Variants in EFL1 observed in about 807,000 individuals in gnomAD.
EFL1 encodes elongation factor like GTPase 1.
EFL1 carries 76 observed loss-of-function variants against 126.7 expected under a neutral mutation model. The observed-to-expected ratio is 0.60, with a 90% CI of 0.50 to 0.73. The LOEUF is 0.73. EFL1 is among the 30% of genes least tolerant of loss of function. The probability of loss-of-function intolerance (pLI) is 0.00; values close to 1 mark genes in which losing one functional copy is unlikely to be tolerated. For missense variants in EFL1, 1,128 were observed against 1,343.2 expected (o/e 0.84, Z 2.50); for synonymous variants, 410 against 448.4 (o/e 0.91, Z 1.08).
At chr15:82,147,411 C>T (rs1328627595) in intron 18 of EFL1, among the ~76,000 whole-genome samples, 1 of 151,814 alleles carries the variant, frequency 6.6e-6, no homozygotes, top group Non-Finnish European at 1.5e-5. Context: ...GGGCGGATCA[C>T]TTGAGGCCAG....
At chr15:82,209,432 A>G (rs1175934446) in intron 15 of EFL1, among the ~76,000 whole-genome samples, 2 of 152,186 alleles carry the variant, frequency 1.3e-5, no homozygotes, top group African/African-American at 2.4e-5. Flanking sequence ...AGGCTAATTA[A>G]TATTTATTTT....
At chr15:82,164,895 T>C (rs1181861038) in intron 15 of EFL1, among the ~76,000 whole-genome samples, 2 of 96,438 alleles carry the variant, frequency 2.1e-5, no homozygotes, top group Non-Finnish European at 4.4e-5. Flanking sequence ...AGATTCCACC[T>C]CAAAAAAAAA....
At chr15:82,246,219 C>G (rs930472522) in intron 4 of EFL1, among the ~76,000 whole-genome samples, 2 of 152,114 alleles carry the variant, frequency 1.3e-5, no homozygotes, top group African/African-American at 4.8e-5. Flanking sequence ...CTCCACCTTT[C>G]AAGGCCTGCT....
chr15:82,130,434 T>A lies in EFL1; in HGVS notation c.3302A>T (p.Tyr1101Phe). ...ATGCTCCACAATCTTTTCTTCCACA[T>A]AAAGCCCCTTCCGCTTTCGTACTGC... ...MNAVRKRKGL[Y>F]VEEKIVEHAE... The change falls in exon 20 of 20, where the codon TAT becomes TTT. Residue 1101 changes from tyrosine to phenylalanine, a missense_variant. Around this residue, in one of 6 missense-constraint regions of EFL1, gnomAD observed 561 missense variants for 641.7 expected, o/e 0.87. Transcript: ENST00000268206. The A allele has an allele frequency of 6.2e-7, 1 of 1,614,188 alleles. No homozygotes were observed. The highest frequency in any genetic ancestry group is 8.5e-7 in the Non-Finnish European group (1 of 1,180,030).
chr15:82,246,629 A>G (rs1342926106), intron 4 of EFL1, among the ~76,000 whole-genome samples: 2 of 152,160 alleles, frequency 1.3e-5, no homozygotes, highest in Non-Finnish European at 2.9e-5. Flanking sequence ...GATACAAGCC[A>G]GTACAGAGGG....
At chr15:82,146,204 T>C (rs2073843927) in intron 18 of EFL1, among the ~76,000 whole-genome samples, 1 of 152,198 alleles carries the variant, frequency 6.6e-6, no homozygotes, top group Non-Finnish European at 1.5e-5. Context: ...AGTCTATCCA[T>C]TTATAGGATT....
At chr15:82,254,477 G>A (rs2075050307) in intron 3 of EFL1, among the ~76,000 whole-genome samples, 1 of 151,894 alleles carries the variant, frequency 6.6e-6, no homozygotes, top group African/African-American at 2.4e-5. Flanking sequence ...AAAAAAAAAT[G>A]TTTGTTACTT....
Position 82,225,172 on chromosome 15 carries a change from T to A in EFL1, c.1285A>T (p.Lys429Ter). 2 of 1,608,580 alleles carry A rather than the reference T, an allele frequency of 1.2e-6. No homozygotes were observed. Among genetic ancestry groups the A allele is most frequent in the Non-Finnish European group, 1.7e-6 (2 of 1,178,214 alleles). ...AVDAKALPQN[K>*]PRPLTQEEIA... ...CTTTCCCCTTTCCCTTACCTTGGCT[T>A]ATTCTGAGGCAAGGCCTTAGCATCA... The change falls in exon 12 of 20, where the codon AAG becomes TAG. Residue 429 changes from lysine to a stop codon, truncating the protein, a stop_gained. Coordinates refer to ENST00000268206, the MANE Select transcript of EFL1 (RefSeq NM_024580.6). LOFTEE classifies it high-confidence loss of function.
intron 19 of EFL1, among the ~76,000 whole-genome samples, chr15:82,132,752 TAAG>T (rs60386125): frequency 0.27 from 39,727 of 147,756 alleles, 6,749 homozygotes; most frequent in Non-Finnish European, 0.37. Context: ...AAACGGCAGT[TAAG>T]AAGGAGGAGT....
rs2075034366 is a variant in EFL1 at position 82,252,790 on chromosome 15, C to A, written c.160-15G>T. The A allele has an allele frequency of 7.1e-7, 1 of 1,399,680 alleles. No individual in the cohort carries two copies. Among genetic ancestry groups the A allele is most frequent in the African/African-American group, 1.4e-5 (1 of 70,760 alleles). 86.7% of individuals were successfully genotyped at this position (1,399,680 alleles called of 1,614,324 possible). A position where few individuals can be genotyped will look rare whatever the true frequency, so the allele number is the denominator to read the frequency against. On this transcript the variant is annotated splice_polypyrimidine_tract_variant and intron_variant, in intron 3 of 19. Coordinates refer to ENST00000268206, the MANE Select transcript of EFL1 (RefSeq NM_024580.6). ...ATGTACCTTAACTGGAAAAATGCAACATATGCATCTTCACTTCCCAAAGAA... is the reference window on the plus strand; with the variant it reads ...ATGTACCTTAACTGGAAAAATGCAAAATATGCATCTTCACTTCCCAAAGAA...
At chr15:82,192,686 T>C (rs559930177) in intron 15 of EFL1, among the ~76,000 whole-genome samples, 24 of 152,216 alleles carry the variant, frequency 1.6e-4, no homozygotes, top group African/African-American at 5.8e-4. Flanking sequence ...AGTAATGAAT[T>C]TGAAATACAA....
intron 17 of EFL1, among the ~76,000 whole-genome samples, chr15:82,155,158 T>C (rs1190739625): frequency 6.6e-6 from 1 of 152,194 alleles, no homozygotes; most frequent in Non-Finnish European, 1.5e-5. Flanking sequence ...TATTTATTTA[T>C]TTATCCATTT....
chr15:82,209,485 T>G (rs1335996767), intron 15 of EFL1, among the ~76,000 whole-genome samples: 3 of 152,206 alleles, frequency 2.0e-5, no homozygotes, highest in Non-Finnish European at 4.4e-5. Context: ...CCTCTCAGAA[T>G]ATGTCCTTGA....
At chr15:82,135,419 GTTCTCTACCT>G (rs2073710148) in intron 19 of EFL1, among the ~76,000 whole-genome samples, 1 of 151,878 alleles carries the variant, frequency 6.6e-6, no homozygotes, top group Non-Finnish European at 1.5e-5. Context: ...CTAAATATCC[GTTCTCTACCT>G]TTCTTTGGTA....
chr15:82,130,506 A>T lies in EFL1; in HGVS notation c.3230T>A (p.Phe1077Tyr). Reference sequence around the variant, plus strand: ...GTTCTCAGAGTCAGCCTTCTCCCCAAAGTGCAAGTATTCCTCCTCAGTAGT... The same window carrying T: ...GTTCTCAGAGTCAGCCTTCTCCCCATAGTGCAAGTATTCCTCCTCAGTAGT... ...VPTTEEEYLH[F>Y]GEKADSENQA... The change falls in exon 20 of 20, where the codon TTT becomes TAT. Residue 1077 changes from phenylalanine (F) to tyrosine (Y), a missense_variant. By Grantham distance (22) the Phe-to-Tyr change is conservative. This residue lies in a region of EFL1 where 561 missense variants were observed against 641.7 expected (regional missense o/e 0.87). Coordinates refer to ENST00000268206, the MANE Select transcript of EFL1 (RefSeq NM_024580.6). The T allele has an allele frequency of 1.2e-6, 2 of 1,614,120 alleles. No homozygotes were observed. Among genetic ancestry groups the T allele is most frequent in the African/African-American group, 1.3e-5 (1 of 75,006 alleles).
At chr15:82,188,210 T>C (rs1355392304) in intron 15 of EFL1, among the ~76,000 whole-genome samples, 1 of 152,170 alleles carries the variant, frequency 6.6e-6, no homozygotes, top group Non-Finnish European at 1.5e-5. Context: ...TTTCACATGG[T>C]TCCTGCAAAC....
intron 15 of EFL1, among the ~76,000 whole-genome samples, chr15:82,165,569 T>C (rs959236321): frequency 6.6e-6 from 1 of 152,196 alleles, no homozygotes; most frequent in Non-Finnish European, 1.5e-5. Context: ...TGACAGCCAC[T>C]AGAATTTATC....
intron 16 of EFL1, among the ~76,000 whole-genome samples, chr15:82,163,544 A>T (rs1187860223): frequency 6.6e-6 from 1 of 152,174 alleles, no homozygotes; most frequent in African/African-American, 2.4e-5. Context: ...TCAAAAAAAT[A>T]AATAAATAGA....
At chr15:82,245,857 C>T (rs1259375010) in intron 4 of EFL1, among the ~76,000 whole-genome samples, 7 of 151,432 alleles carry the variant, frequency 4.6e-5, no homozygotes, top group Non-Finnish European at 7.4e-5. Context: ...ACTGCTTGAG[C>T]CTAGGAGTTC....
Sources: allele counts gnomAD v4.1 joint callset (sites outside exome capture counted in the v4.1 genomes callset), GRCh38; gene constraint gnomAD v4.1.1; regional missense constraint gnomAD v4.1.1; transcripts MANE v1.5; gene names NCBI Gene and HGNC (gene_info 2026-07-23, HGNC 2026-07-21).